The following ANKS6 variants were observed in gnomAD, a reference collection of about 807,000 sequenced individuals.
ANKS6 encodes ankyrin repeat and sterile alpha motif domain containing 6.
ANKS6 carries 47 observed loss-of-function variants against 77.9 expected under a neutral mutation model. That is an observed-to-expected ratio of 0.60 (90% CI 0.48 to 0.77). ANKS6 has a LOEUF of 0.77. Among genes scored for constraint, ANKS6 ranks in the 30% least tolerant of loss-of-function variants. ANKS6 has a pLI of 0.00. For synonymous variants in ANKS6, 488 were observed against 501.7 expected, an observed-to-expected ratio of 0.97 and a Z score of 0.37; for missense variants, 1,150 against 1,159.1, an observed-to-expected ratio of 0.99 and a Z score of 0.11.
intron 2 of ANKS6, chr9:98,789,804 T>C (rs1834784417): frequency 3.0e-6 from 1 of 338,696 alleles, no homozygotes; most frequent in Non-Finnish European, 5.4e-6. Context: ...CCAAACCTTG[T>C]TGTAGAAGGG....
rs933261832 is a variant in ANKS6 at position 98,770,928 on chromosome 9, C to T, written c.1940G>A (p.Ser647Asn). The change falls in exon 10 of 15, where the codon AGC (serine) becomes AAC (asparagine). Residue 647 changes from serine (S) to asparagine (N), a missense_variant. Coordinates refer to ENST00000353234, the MANE Select transcript of ANKS6 (RefSeq NM_173551.5). Reference sequence around the variant, plus strand: ...GTTAAGCAGCTCCCCACCGTGCCGGCTCACACCTACCCCACTGGAGCCGCC... The same window carrying T: ...GTTAAGCAGCTCCCCACCGTGCCGGTTCACACCTACCCCACTGGAGCCGCC... The part of the protein sequence containing the change: ...SSGGSSGVGV[S>N]RHGGELLNRS... The T allele has an allele frequency of 1.8e-5, 29 of 1,573,940 alleles. No individual in the cohort carries two copies. Among genetic ancestry groups the T allele is most frequent in the Non-Finnish European group, 2.4e-5 (28 of 1,159,250 alleles).
At chr9:98,772,302 C>T (rs915387588) in intron 9 of ANKS6, among the ~76,000 whole-genome samples, 1 of 152,192 alleles carries the variant, frequency 6.6e-6, no homozygotes, top group East Asian at 1.9e-4. Context: ...CCACGGAGGC[C>T]GAGACTGGAG....
chr9:98,734,355 T>G lies in ANKS6; in HGVS notation c.*2164A>C. 1 of 985,450 alleles carries G rather than the reference T, an allele frequency of 1.0e-6. No individual in the cohort carries two copies. The highest frequency in any genetic ancestry group is 1.2e-6 in the Non-Finnish European group (1 of 829,968). The allele number at this position is 985,450 out of a possible 1,614,324, so 61.0% of individuals were successfully genotyped here. On this transcript the variant is annotated 3_prime_UTR_variant, in exon 15 of 15. Transcript: ENST00000353234. ...AAGGTGACCCCCCGGTGCAGCTGTGTATCATTGTTCAATCAAACTTACCTG... is the reference window on the plus strand; with the variant it reads ...AAGGTGACCCCCCGGTGCAGCTGTGGATCATTGTTCAATCAAACTTACCTG...
intron 2 of ANKS6, among the ~76,000 whole-genome samples, chr9:98,788,726 C>T (rs1322820460): frequency 6.6e-6 from 1 of 152,198 alleles, no homozygotes; most frequent in Non-Finnish European, 1.5e-5. Flanking sequence ...GTTAAACCAG[C>T]TTCTAGAGCC....
intron 12 of ANKS6, 48 bp from the exon 13 acceptor site, chr9:98,751,144 T>C: frequency 6.8e-7 from 1 of 1,463,000 alleles, no homozygotes; most frequent in South Asian, 1.2e-5. Context: ...TAGAATTTGG[T>C]AAAGTGGTCT....
rs1457580863 is a variant in ANKS6 at position 98,732,296 on chromosome 9, G to A, written c.*4223C>T. 9.4e-6 allele frequency: 6 copies of A among 641,480 alleles called. No individual in the cohort carries two copies. The highest frequency in any genetic ancestry group is 1.6e-5 in the Non-Finnish European group (6 of 378,054). 39.7% of individuals were successfully genotyped at this position (641,480 alleles called of 1,614,324 possible). A position where few individuals can be genotyped will look rare whatever the true frequency, so the allele number is the denominator to read the frequency against. On this transcript the variant is annotated 3_prime_UTR_variant, in exon 15 of 15. Transcript: ENST00000353234. Reference sequence around the variant, plus strand: ...GGCCCATGTCTTCAGGCAGCTCTGAGGCAAGAATAAAAGGGACGAGTTCCC... The same window carrying A: ...GGCCCATGTCTTCAGGCAGCTCTGAAGCAAGAATAAAAGGGACGAGTTCCC...
intron 5 of ANKS6, among the ~76,000 whole-genome samples, chr9:98,781,944 T>A (rs906530024): frequency 6.6e-6 from 1 of 152,030 alleles, no homozygotes; most frequent in African/African-American, 2.4e-5. Context: ...AGAGGGTCTG[T>A]CACAGCAGGG....
intron 11 of ANKS6, among the ~76,000 whole-genome samples, chr9:98,766,787 T>C (rs994574582): frequency 6.6e-6 from 1 of 152,188 alleles, no homozygotes. Flanking sequence ...ATACAGTACA[T>C]GTACATCCTG....
rs748227554 is a variant in ANKS6 at position 98,780,262 on chromosome 9, G to C, written c.1295C>G (p.Pro432Arg). 1 of 1,613,628 alleles carries C rather than the reference G, an allele frequency of 6.2e-7. No individual in the cohort carries two copies. The highest frequency in any genetic ancestry group is 1.1e-5 in the South Asian group (1 of 90,850). The stretch of plus-strand genomic sequence containing the variant: ...TCGGACCTTCGAGTGGGGCAGGGGA[G>C]GCTGGTGGCTCGGCCGGCCTTTGTC... The part of the protein sequence containing the change: ...NKDKGRPSHQ[P>R]PLPHSKVRQP... Residue 432 changes from proline to arginine, a missense_variant, in exon 6 of 15, where the codon CCT becomes CGT. Physicochemically the swap from Pro to Arg is moderately radical, Grantham distance 103. Coordinates refer to ENST00000353234, the MANE Select transcript of ANKS6 (RefSeq NM_173551.5).
At chr9:98,778,198 T>C in intron 7 of ANKS6, 28 bp downstream of exon 7, 1 of 1,612,472 alleles carries the variant, frequency 6.2e-7, no homozygotes, top group Non-Finnish European at 8.5e-7. Context: ...ATTCCAAAAA[T>C]TCTACTGCAC....
Position 98,756,459 on chromosome 9 carries a change from T to C in ANKS6, c.2287A>G (p.Ser763Gly), listed in dbSNP as rs1440045028. The C allele has an allele frequency of 1.9e-6, 3 of 1,613,478 alleles. No individual in the cohort carries two copies. Among genetic ancestry groups the C allele is most frequent in the Non-Finnish European group, 2.5e-6 (3 of 1,179,676 alleles). Residue 763 changes from serine to glycine, a missense_variant, in exon 12 of 15, where the codon AGC (serine) becomes GGC (glycine). Physicochemically the swap from Ser to Gly is moderately conservative, Grantham distance 56. Transcript: ENST00000353234. ...SSSSSHRQSK[S>G]SGGSSSGTIT... ...GTGCCACTGCTGGAGCCCCCACTGC[T>C]CTTGGACTGCCGATGGGATGACGAG...
intron 2 of ANKS6, among the ~76,000 whole-genome samples, chr9:98,786,465 T>C (rs1438325925): frequency 6.6e-6 from 1 of 151,966 alleles, no homozygotes; most frequent in Non-Finnish European, 1.5e-5. Context: ...CTAATTTTTG[T>C]ATTTTTAGTA....
rs1374295772 is a variant in ANKS6 at position 98,732,298 on chromosome 9, C to A, written c.*4221G>T. 4.6e-6 allele frequency: 3 copies of A among 647,504 alleles called. No homozygotes were observed. Among genetic ancestry groups the A allele is most frequent in the Non-Finnish European group, 7.8e-6 (3 of 383,418 alleles). 40.1% of individuals were successfully genotyped at this position (647,504 alleles called of 1,614,324 possible). A position where few individuals can be genotyped will look rare whatever the true frequency, so the allele number is the denominator to read the frequency against. On this transcript the variant is annotated 3_prime_UTR_variant, in exon 15 of 15. Transcript: ENST00000353234. ...CCCATGTCTTCAGGCAGCTCTGAGGCAAGAATAAAAGGGACGAGTTCCCTG... is the reference window on the plus strand; with the variant it reads ...CCCATGTCTTCAGGCAGCTCTGAGGAAAGAATAAAAGGGACGAGTTCCCTG...
chr9:98,736,611 G>C lies in ANKS6; in HGVS notation c.2524C>G (p.Gln842Glu). The change falls in exon 15 of 15, where the codon CAA (glutamine) becomes GAA (glutamate). Residue 842 changes from glutamine to glutamate, a missense_variant. Gln to Glu is a conservative substitution (Grantham distance 29). Transcript: ENST00000353234. Reference sequence around the variant, plus strand: ...TTGTGAATGGTTTCCTGTAAAATTTGTCTCTCGCGTCCCTGTGGAGGAAAT... The same window carrying C: ...TTGTGAATGGTTTCCTGTAAAATTTCTCTCTCGCGTCCCTGTGGAGGAAAT... Reference protein sequence around the residue: ...ELNAGKGRERQILQETIHNFH... With the variant: ...ELNAGKGREREILQETIHNFH... 6.2e-7 allele frequency: 1 copy of C among 1,610,166 alleles called. No individual in the cohort carries two copies. Among genetic ancestry groups the C allele is most frequent in the Non-Finnish European group, 8.5e-7 (1 of 1,178,066 alleles).
chr9:98,738,290 A>G (rs1831611611), intron 14 of ANKS6, among the ~76,000 whole-genome samples: 1 of 152,214 alleles, frequency 6.6e-6, no homozygotes, highest in Admixed American at 6.5e-5. Flanking sequence ...AGCAGAGTAA[A>G]CAGAAAACCC....
chr9:98,753,825 A>T (rs974844587), intron 12 of ANKS6, among the ~76,000 whole-genome samples: 2 of 152,258 alleles, frequency 1.3e-5, no homozygotes, highest in African/African-American at 4.8e-5. Flanking sequence ...ATAATAAAAT[A>T]TACAAAAATG....
At chr9:98,765,999 G>A (rs2117996199) in intron 11 of ANKS6, among the ~76,000 whole-genome samples, 1 of 152,294 alleles carries the variant, frequency 6.6e-6, no homozygotes, top group African/African-American at 2.4e-5. Context: ...ATGAGCCCCG[G>A]ACTGGGCTGG....
chr9:98,756,397 T>C (rs765765718), intron 12 of ANKS6, 23 bp downstream of exon 12: 4 of 1,606,352 alleles, frequency 2.5e-6, no homozygotes, highest in Non-Finnish European at 2.5e-6. Context: ...ATAGGTGGGG[T>C]TTCAGGCCCT....
chr9:98,756,922 C>A (rs1353580476), intron 11 of ANKS6, among the ~76,000 whole-genome samples: 1 of 151,622 alleles, frequency 6.6e-6, no homozygotes, highest in South Asian at 2.1e-4. Flanking sequence ...TGGCTTTGGC[C>A]AAGCCCCCCG....
Sources: gnomAD v4.1 joint callset for allele counts (sites outside exome capture counted in the v4.1 genomes callset) on GRCh38, gnomAD v4.1.1 for gene constraint, MANE v1.5 for transcripts, NCBI Gene and HGNC (gene_info 2026-07-23, HGNC 2026-07-21) for gene names.